SUMF1: variants seen among roughly 807,000 people sequenced by gnomAD.
The protein encoded by SUMF1 is sulfatase modifying factor 1.
A neutral mutation model predicts 47.6 loss-of-function variants in SUMF1; 48 were observed. The observed-to-expected ratio is 1.01, with a 90% CI of 0.80 to 1.28. SUMF1 has a LOEUF of 1.28. SUMF1 is among the 50% of genes most tolerant of loss of function. The pLI is 0.00. For missense variants in SUMF1, 571 were observed against 485.4 expected, an observed-to-expected ratio of 1.18 and a Z score of -1.66; for synonymous variants, 230 against 192.1, an observed-to-expected ratio of 1.20 and a Z score of -1.63.
chr3:4,271,691 G>A (rs1697307754), intron 8 of SUMF1, among the ~76,000 whole-genome samples: 1 of 152,106 alleles, frequency 6.6e-6, no homozygotes, highest in Non-Finnish European at 1.5e-5. Flanking sequence ...TGTAGAGACA[G>A]GGGTCTCACT....
intron 8 of SUMF1, among the ~76,000 whole-genome samples, chr3:4,093,419 T>C (rs565303473): frequency 3.3e-5 from 5 of 152,010 alleles, no homozygotes; most frequent in African/African-American, 4.8e-5. Flanking sequence ...ACACATATTG[T>C]ACCAAAGCTT....
chr3:4,365,061 T>C (rs1699904229), intron 8 of SUMF1, among the ~76,000 whole-genome samples: 2 of 151,906 alleles, frequency 1.3e-5, no homozygotes. Context: ...TCTAGTTTGA[T>C]TGCACTGTGG....
intron 8 of SUMF1, among the ~76,000 whole-genome samples, chr3:4,352,730 G>GT (rs1411624259): frequency 4.2e-5 from 4 of 96,050 alleles, no homozygotes; most frequent in Admixed American, 1.1e-4. Context: ...ATTGCTGCGT[G>GT]TAAAAAAAAA....
At chr3:4,414,954 T>G (rs1701660702) in intron 6 of SUMF1, 1 of 152,232 alleles carries the variant, frequency 6.6e-6, no homozygotes, top group African/African-American at 2.4e-5. Context: ...TCAAAAATGC[T>G]TATCACAGGC....
At chr3:4,047,766 C>T (rs1574844105) in intron 9 of SUMF1, among the ~76,000 whole-genome samples, 1 of 152,108 alleles carries the variant, frequency 6.6e-6, no homozygotes, top group East Asian at 1.9e-4. Flanking sequence ...TGCAGTCAGA[C>T]AATGCACTGG....
At chr3:4,285,435 TC>T (rs1211309791) in intron 8 of SUMF1, among the ~76,000 whole-genome samples, 1 of 152,142 alleles carries the variant, frequency 6.6e-6, no homozygotes, top group Non-Finnish European at 1.5e-5. Context: ...TTTGTGACTC[TC>T]TAGAGTTTAT....
intron 9 of SUMF1, among the ~76,000 whole-genome samples, chr3:4,038,114 G>A (rs1694833809): frequency 6.6e-6 from 1 of 152,180 alleles, no homozygotes; most frequent in Non-Finnish European, 1.5e-5. Flanking sequence ...CACCACCGCT[G>A]CAGGGTGATC....
intron 8 of SUMF1, among the ~76,000 whole-genome samples, chr3:4,364,711 T>A (rs1177702313): frequency 6.6e-6 from 1 of 150,864 alleles, no homozygotes; most frequent in Non-Finnish European, 1.5e-5. Context: ...GGGTTTTTTG[T>A]GTCTCTATTT....
intron 8 of SUMF1, among the ~76,000 whole-genome samples, chr3:4,099,912 A>G (rs568505222): frequency 3.9e-4 from 59 of 152,014 alleles, no homozygotes; most frequent in Non-Finnish European, 7.2e-4. Flanking sequence ...AAAGATGTGT[A>G]TACTGAAAAC....
intron 8 of SUMF1, among the ~76,000 whole-genome samples, chr3:4,365,809 T>C (rs138081934): frequency 0.61 from 92,159 of 150,540 alleles, 28,641 homozygotes; most frequent in East Asian, 0.76. Context: ...TTCTTCCTAG[T>C]CTCGATGGTC....
At chr3:4,270,981 A>G (rs1440434134) in intron 8 of SUMF1, among the ~76,000 whole-genome samples, 1 of 152,230 alleles carries the variant, frequency 6.6e-6, no homozygotes, top group Non-Finnish European at 1.5e-5. Flanking sequence ...AACAAAGAGA[A>G]AACACTTAAG....
At chr3:4,393,471 T>C (rs553251668) in intron 7 of SUMF1, among the ~76,000 whole-genome samples, 1 of 152,248 alleles carries the variant, frequency 6.6e-6, no homozygotes, top group East Asian at 1.9e-4. Context: ...TAGCTGGGAC[T>C]ACAGGCATAT....
chr3:4,203,190 T>A (rs960208662), intron 8 of SUMF1, among the ~76,000 whole-genome samples: 1 of 152,018 alleles, frequency 6.6e-6, no homozygotes, highest in Admixed American at 6.6e-5. Context: ...AAGTGGAGTA[T>A]TGATGTTCCC....
At chr3:4,069,415 T>G (rs535704941) in intron 8 of SUMF1, among the ~76,000 whole-genome samples, 9 of 152,350 alleles carry the variant, frequency 5.9e-5, no homozygotes, top group African/African-American at 2.2e-4. Context: ...CCTGAAATTC[T>G]TAATAATTTT....
intron 8 of SUMF1, among the ~76,000 whole-genome samples, chr3:4,138,533 T>C (rs1322265418): frequency 6.6e-6 from 1 of 152,086 alleles, no homozygotes; most frequent in South Asian, 2.1e-4. Context: ...ATGGACAGTA[T>C]GTGATAAAGT....
intron 1 of SUMF1, among the ~76,000 whole-genome samples, chr3:4,454,173 C>A (rs1448123530): frequency 2.0e-5 from 3 of 152,114 alleles, no homozygotes; most frequent in Non-Finnish European, 4.4e-5. Flanking sequence ...CTTATAAAAA[C>A]CCTAATTGCA....
intron 8 of SUMF1, among the ~76,000 whole-genome samples, chr3:4,079,386 G>A (rs1230873691): frequency 6.6e-6 from 1 of 152,142 alleles, no homozygotes; most frequent in Middle Eastern, 3.4e-3. Flanking sequence ...AGTGACATGA[G>A]AAGGGTTTTG....
chr3:4,310,772 T>C (rs935094411), intron 8 of SUMF1, among the ~76,000 whole-genome samples: 2 of 152,038 alleles, frequency 1.3e-5, no homozygotes, highest in African/African-American at 4.8e-5. Flanking sequence ...AAGTTATCCA[T>C]GTCAAAAAAA....
intron 3 of SUMF1, among the ~76,000 whole-genome samples, chr3:4,440,982 T>C (rs912085527): frequency 7.1e-6 from 1 of 140,702 alleles, no homozygotes; most frequent in African/African-American, 2.4e-5. Context: ...TTAAATACTA[T>C]CCTTTTTTTC....
Sources: gnomAD v4.1 joint callset for allele counts (sites outside exome capture counted in the v4.1 genomes callset) on GRCh38, gnomAD v4.1.1 for gene constraint, MANE v1.5 for transcripts, NCBI Gene and HGNC (gene_info 2026-07-23, HGNC 2026-07-21) for gene names.